Variants in PALS1 observed in about 807,000 individuals in gnomAD.
The protein encoded by PALS1 is protein PALS1.
Under a neutral mutation model 78.9 loss-of-function variants are expected in PALS1, and 31 were observed. That is an observed-to-expected ratio of 0.39 (90% CI 0.30 to 0.53). The LOEUF is 0.53. Ranked by LOEUF, PALS1 falls within the 20% of genes least tolerant of loss-of-function variation. The pLI is 0.67. For synonymous variants in PALS1, 276 were observed against 270.9 expected, an observed-to-expected ratio of 1.02 and a Z score of -0.18; for missense variants, 704 against 826.5, an observed-to-expected ratio of 0.85 and a Z score of 1.82.
At chr14:67,328,612 T>G (rs1229429085) in intron 14 of PALS1, among the ~76,000 whole-genome samples, 1 of 152,198 alleles carries the variant, frequency 6.6e-6, no homozygotes, top group Non-Finnish European at 1.5e-5. Flanking sequence ...TGGTTTTAGG[T>G]CTAACATTTA....
intron 10 of PALS1, 60 bp downstream of exon 10, chr14:67,316,963 T>C: frequency 1.5e-6 from 2 of 1,338,248 alleles, no homozygotes; most frequent in Non-Finnish European, 2.1e-6. Context: ...TGGAGCCATG[T>C]GTGAATCTGC....
At chr14:67,261,194 A>G (rs1336667567) in intron 1 of PALS1, among the ~76,000 whole-genome samples, 1 of 152,210 alleles carries the variant, frequency 6.6e-6, no homozygotes, top group Non-Finnish European at 1.5e-5. Flanking sequence ...TTGAAAAGGG[A>G]CACTGTTGTG....
At chr14:67,324,094 T>C (rs1198490761) in intron 14 of PALS1, among the ~76,000 whole-genome samples, 1 of 152,216 alleles carries the variant, frequency 6.6e-6, no homozygotes, top group African/African-American at 2.4e-5. Context: ...CAGCCAACTC[T>C]TCAGGATTAC....
Position 67,320,585 on chromosome 14 carries a change from CCTT to C in PALS1, c.1537+190_1537+192del, listed in dbSNP as rs761994991. ...TCATTATTAAGAAATTTAAATTTGT[CCTT>C]CAAGTATGTACTGATTATTTTCTAA... On this transcript the variant is annotated intron_variant, in intron 12 of 14. Transcript: ENST00000261681. 3.6e-4 allele frequency among the ~76,000 whole-genome samples: 54 copies of C among 152,072 alleles called. 1 individual carries two copies. The highest frequency in any genetic ancestry group is 2.0e-4 in the Admixed American group (3 of 15,264).
At chr14:67,331,655 A>G (rs1316272839) in intron 14 of PALS1, among the ~76,000 whole-genome samples, 1 of 152,188 alleles carries the variant, frequency 6.6e-6, no homozygotes, top group Non-Finnish European at 1.5e-5. Flanking sequence ...GAAGTACTAA[A>G]TAAGTGATAT....
intron 1 of PALS1, among the ~76,000 whole-genome samples, chr14:67,246,791 A>T (rs2083994818): frequency 6.6e-6 from 1 of 150,742 alleles, no homozygotes; most frequent in African/African-American, 2.4e-5. Context: ...AGCTGGGATT[A>T]TAAGCGCGCA....
At position 67,320,366 on chromosome 14, in the gene PALS1, A is replaced by T; in HGVS notation, c.1506A>T (p.Lys502Asn). Residue 502 changes from lysine (K) to asparagine (N), a missense_variant, in exon 12 of 15, where the codon AAA (lysine) becomes AAT (asparagine). Physicochemically the swap from Lys to Asn is moderately conservative, Grantham distance 94 (BLOSUM62 0). Coordinates refer to ENST00000261681, the MANE Select transcript of PALS1 (RefSeq NM_022474.4). ...QNELRQRLMN[K>N]EKDRFASAVP... Reference sequence around the variant, plus strand: ...AATTGCGTCAGAGGCTCATGAACAAAGAAAAGGACCGCTTTGCATCTGCAG... The same window carrying T: ...AATTGCGTCAGAGGCTCATGAACAATGAAAAGGACCGCTTTGCATCTGCAG... 2 of 1,609,862 alleles carry T rather than the reference A, an allele frequency of 1.2e-6. No homozygotes were observed. The highest frequency in any genetic ancestry group is 1.7e-6 in the Non-Finnish European group (2 of 1,178,630).
chr14:67,316,993 G>A, intron 10 of PALS1, 90 bp downstream of exon 10: 2 of 998,112 alleles, frequency 2.0e-6, no homozygotes, highest in Non-Finnish European at 1.5e-6. Flanking sequence ...CCGTGAAGAA[G>A]TACTCAGGGA....
Position 67,274,524 on chromosome 14 carries a change from A to G in PALS1, c.-153-4494A>G, listed in dbSNP as rs868558890. Among the ~76,000 whole-genome samples, 11 of 151,226 alleles carry G rather than the reference A, an allele frequency of 7.3e-5. 2 individuals are homozygous for G. The highest frequency in any genetic ancestry group is 1.9e-4 in the African/African-American group (8 of 41,040). ...GTAGCATGCTGTTTTGGTTACTGTA[A>G]CCTTGTAGTATAGTTTGAAGTTGGA... On this transcript the variant is annotated intron_variant, in intron 2 of 14. Transcript: ENST00000261681.
At chr14:67,247,869 G>A (rs1162963355) in intron 1 of PALS1, among the ~76,000 whole-genome samples, 2 of 152,132 alleles carry the variant, frequency 1.3e-5, no homozygotes, top group Non-Finnish European at 2.9e-5. Flanking sequence ...ATGAGTCACA[G>A]TGCCTGGCTT....
chr14:67,290,946 A>G (rs1187819731), intron 3 of PALS1, among the ~76,000 whole-genome samples: 1 of 152,232 alleles, frequency 6.6e-6, no homozygotes, highest in Non-Finnish European at 1.5e-5. Flanking sequence ...TTAAAATTAA[A>G]TAGAAGTTAA....
intron 3 of PALS1, among the ~76,000 whole-genome samples, chr14:67,287,502 T>TA (rs1212310816): frequency 1.3e-5 from 2 of 152,210 alleles, no homozygotes; most frequent in East Asian, 3.8e-4. Context: ...CTATAACTTG[T>TA]AAAAATATGT....
intron 14 of PALS1, among the ~76,000 whole-genome samples, chr14:67,326,542 G>T (rs1389167742): frequency 1.3e-5 from 2 of 152,108 alleles, no homozygotes; most frequent in Admixed American, 1.3e-4. Context: ...TTTTGGAAAT[G>T]TGTACCTGTG....
chr14:67,303,135 A>G (rs1333178488), intron 7 of PALS1, among the ~76,000 whole-genome samples: 3 of 152,236 alleles, frequency 2.0e-5, no homozygotes, highest in Non-Finnish European at 4.4e-5. Context: ...TTATTAAGAT[A>G]CAGAAATAGC....
At chr14:67,290,016 C>T (rs1253588217) in intron 3 of PALS1, among the ~76,000 whole-genome samples, 1 of 152,102 alleles carries the variant, frequency 6.6e-6, no homozygotes, top group African/African-American at 2.4e-5. Flanking sequence ...TCATGATCCA[C>T]CCGCCTTGGT....
At chr14:67,254,485 A>C (rs2084115851) in intron 1 of PALS1, among the ~76,000 whole-genome samples, 2 of 152,136 alleles carry the variant, frequency 1.3e-5, no homozygotes, top group Admixed American at 1.3e-4. Context: ...GTACTACCAT[A>C]ATAAAAGTTA....
intron 1 of PALS1, among the ~76,000 whole-genome samples, chr14:67,262,666 C>A (rs2084257365): frequency 6.6e-6 from 1 of 152,178 alleles, no homozygotes; most frequent in South Asian, 2.1e-4. Flanking sequence ...TTCAGAAAAT[C>A]TGTTTTGTTG....
At chr14:67,280,894 T>C (rs9743842) in intron 3 of PALS1, among the ~76,000 whole-genome samples, 27,735 of 134,206 alleles carry the variant, frequency 0.21, 6,483 homozygotes, top group African/African-American at 0.55. Context: ...TTCTTTCTTT[T>C]CTTTCTTTCT....
chr14:67,311,094 C>T (rs2085081763), intron 8 of PALS1, among the ~76,000 whole-genome samples: 2 of 151,990 alleles, frequency 1.3e-5, no homozygotes, highest in African/African-American at 4.8e-5. Context: ...GGTGGATCAC[C>T]TGAGGTCAGG....
Sources: gnomAD v4.1 joint callset for allele counts (sites outside exome capture counted in the v4.1 genomes callset) on GRCh38, gnomAD v4.1.1 for gene constraint, MANE v1.5 for transcripts, NCBI Gene and HGNC (gene_info 2026-07-23, HGNC 2026-07-21) for gene names.